TACC2: variants seen among roughly 807,000 people sequenced by gnomAD.
TACC2 encodes the protein transforming acidic coiled-coil containing protein 2.
TACC2 carries 137 observed loss-of-function variants against 227.3 expected under a neutral mutation model. The ratio of observed to expected loss-of-function variants is 0.60; its 90% CI spans 0.52 to 0.69. The LOEUF (loss-of-function observed/expected upper bound fraction) is 0.69, where lower values mean the gene tolerates loss of function less well. Among genes scored for constraint, TACC2 ranks in the 30% least tolerant of loss-of-function variants. The probability of loss-of-function intolerance (pLI) is 0.00; values close to 1 mark genes in which losing one functional copy is unlikely to be tolerated. For synonymous variants in TACC2, 1,523 were observed against 1,487.5 expected, an observed-to-expected ratio of 1.02 and a Z score of -0.55; for missense variants, 3,470 against 3,694.4, an observed-to-expected ratio of 0.94 and a Z score of 1.57.
chr10:122,103,191 A>G (rs11595073), intron 5 of TACC2, among the ~76,000 whole-genome samples: 36,333 of 151,952 alleles, frequency 0.24, 4,605 homozygotes, highest in East Asian at 0.48. Context: ...TGGGTTCCTC[A>G]TGTCATATTC....
chr10:122,178,353 C>T (rs1233474366), intron 7 of TACC2, among the ~76,000 whole-genome samples: 2 of 151,420 alleles, frequency 1.3e-5, no homozygotes, highest in East Asian at 2.0e-4. Context: ...TCTCCTGCTT[C>T]AGCCTCCCTA....
intron 8 of TACC2, among the ~76,000 whole-genome samples, chr10:122,206,972 A>G (rs1238869162): frequency 2.0e-5 from 3 of 152,226 alleles, no homozygotes; most frequent in Admixed American, 6.5e-5. Flanking sequence ...GTCTTCATGC[A>G]GATATGCCGT....
At position 122,176,073 on chromosome 10, in the gene TACC2, T is replaced by TTC. The variant is rs55655832; in HGVS notation, c.5835-18923_5835-18922dup. Among the ~76,000 whole-genome samples, 918 of 92,574 alleles carry TTC rather than the reference T, an allele frequency of 9.9e-3. 4 individuals carry two copies. Among genetic ancestry groups the TTC allele is most frequent in the Middle Eastern group, 0.028 (4 of 142 alleles). 60.7% of individuals were successfully genotyped at this position (92,574 alleles called of 152,430 possible). ...CTAACCTGAACAACAGAGCAAAACC[T>TTC]TCTCTCTCTCTCTCTCTCTCTCTCT... is the stretch of plus-strand genomic sequence containing the variant. On this transcript the variant is annotated intron_variant, in intron 7 of 22. Coordinates refer to ENST00000369005, the MANE Select transcript of TACC2 (RefSeq NM_206862.4).
In TACC2 at chr10:122,087,264, C is replaced by T. The variant is rs543328111; in HGVS notation, c.4764C>T (p.Ala1588=). The change falls in exon 4 of 23, where the codon GCC becomes GCT. Residue 1588 remains alanine (A), a synonymous_variant. Coordinates refer to ENST00000369005, the MANE Select transcript of TACC2 (RefSeq NM_206862.4). ...QVAPHSHGEE[A]VAQDRIPSGK... Reference sequence around the variant, plus strand: ...CTCCCCATAGCCATGGAGAAGAGGCCGTGGCCCAAGACAGAATTCCTTCTG... The same window carrying T: ...CTCCCCATAGCCATGGAGAAGAGGCTGTGGCCCAAGACAGAATTCCTTCTG... The T allele has an allele frequency of 9.3e-6, 15 of 1,613,786 alleles. No individual in the cohort carries two copies. The highest frequency in any genetic ancestry group is 8.8e-5 in the South Asian group (8 of 91,076).
At chr10:122,053,648 C>T (rs974496367) in intron 3 of TACC2, among the ~76,000 whole-genome samples, 1 of 152,170 alleles carries the variant, frequency 6.6e-6, no homozygotes, top group African/African-American at 2.4e-5. Flanking sequence ...CCCATGACCG[C>T]TTCCTCGAGC....
At chr10:122,010,503 A>G (rs367961516) in intron 1 of TACC2, among the ~76,000 whole-genome samples, 1 of 152,304 alleles carries the variant, frequency 6.6e-6, no homozygotes, top group African/African-American at 2.4e-5. Flanking sequence ...CCATTTTGCA[A>G]TTCCAGAATG....
chr10:122,190,554 C>A (rs1461782532), intron 7 of TACC2, among the ~76,000 whole-genome samples: 1 of 152,168 alleles, frequency 6.6e-6, no homozygotes, highest in African/African-American at 2.4e-5. Flanking sequence ...GTTGTACACA[C>A]CGCACTGTGT....
chr10:122,111,656 A>ATTT (rs370548871), intron 5 of TACC2, among the ~76,000 whole-genome samples: 36,621 of 147,334 alleles, frequency 0.25, 5,109 homozygotes, highest in Middle Eastern at 0.33. Flanking sequence ...ATGCCCAGCT[A>ATTT]TTTTTTTTTT....
At chr10:122,190,281 C>T (rs2094361695) in intron 7 of TACC2, among the ~76,000 whole-genome samples, 1 of 152,140 alleles carries the variant, frequency 6.6e-6, no homozygotes, top group South Asian at 2.1e-4. Context: ...CTGCATTTTC[C>T]AGCTACCTGA....
intron 7 of TACC2, among the ~76,000 whole-genome samples, chr10:122,145,208 T>C (rs2139295909): frequency 6.6e-6 from 1 of 152,366 alleles, no homozygotes; most frequent in South Asian, 2.1e-4. Context: ...AATATATGTC[T>C]ACCTAAAAAC....
At chr10:122,113,574 T>C (rs1211349577) in intron 5 of TACC2, among the ~76,000 whole-genome samples, 1 of 152,012 alleles carries the variant, frequency 6.6e-6, no homozygotes, top group Non-Finnish European at 1.5e-5. Flanking sequence ...TTGGCGCCCG[T>C]GACCAGGCTC....
chr10:122,204,031 G>A (rs1443624818), intron 8 of TACC2, among the ~76,000 whole-genome samples: 4 of 151,246 alleles, frequency 2.6e-5, no homozygotes, highest in African/African-American at 4.9e-5. Flanking sequence ...GGCGGCGCGC[G>A]CCTGCAATCC....
chr10:122,207,924 T>G (rs564018500), intron 8 of TACC2, among the ~76,000 whole-genome samples: 2 of 152,076 alleles, frequency 1.3e-5, no homozygotes, highest in African/African-American at 4.8e-5. Flanking sequence ...CCAAGGCCCA[T>G]TTGAAAGCAC....
intron 21 of TACC2, 100 bp from the exon 22 acceptor site, chr10:122,249,444 G>T (rs2273795): frequency 0.36 from 536,089 of 1,496,516 alleles, 98,520 homozygotes; most frequent in South Asian, 0.43. Flanking sequence ...GTGGCAGCTG[G>T]GGCCAGACCA....
chr10:122,203,426 C>A (rs561929744), intron 8 of TACC2, among the ~76,000 whole-genome samples: 2 of 151,068 alleles, frequency 1.3e-5, no homozygotes, highest in African/African-American at 4.9e-5. Context: ...CTGACCCCCC[C>A]ACCTCCCTCC....
chr10:122,249,235 G>C (rs2096200002), intron 21 of TACC2, 79 bp downstream of exon 21: 1 of 1,085,342 alleles, frequency 9.2e-7, no homozygotes, highest in Admixed American at 2.1e-5. Context: ...ACCTCTGGCA[G>C]CGCCTGTGAC....
chr10:122,103,211 C>A (rs2082368887), intron 5 of TACC2, among the ~76,000 whole-genome samples: 2 of 152,184 alleles, frequency 1.3e-5, no homozygotes, highest in South Asian at 4.1e-4. Context: ...CCCCTCCTGA[C>A]ATGTCTAGAG....
intron 1 of TACC2, among the ~76,000 whole-genome samples, chr10:121,992,305 A>G (rs1953059583): frequency 6.6e-6 from 1 of 152,212 alleles, no homozygotes; most frequent in African/African-American, 2.4e-5. Flanking sequence ...TGATGCTGAG[A>G]AAGTGAAAAA....
Position 122,086,643 on chromosome 10 carries a change from C to T in TACC2, c.4143C>T (p.Ser1381=), listed in dbSNP as rs2080123053. The change falls in exon 4 of 23, where the codon TCC becomes TCT. Residue 1381 remains serine (S), a synonymous_variant. Coordinates refer to ENST00000369005, the MANE Select transcript of TACC2 (RefSeq NM_206862.4). ...GCATGGAGAGGATGGGAGAGCCTTC[C>T]CAGGACCCAAAGCAGGGCACATCAG... ...EGSMERMGEP[S]QDPKQGTSGG... 1.2e-6 allele frequency: 2 copies of T among 1,605,204 alleles called. No individual in the cohort carries two copies. Among genetic ancestry groups the T allele is most frequent in the Non-Finnish European group, 1.7e-6 (2 of 1,175,546 alleles).
Sources: gnomAD v4.1 joint callset for allele counts (sites outside exome capture counted in the v4.1 genomes callset) on GRCh38, gnomAD v4.1.1 for gene constraint, MANE v1.5 for transcripts, NCBI Gene and HGNC (gene_info 2026-07-23, HGNC 2026-07-21) for gene names.